The following ALPL variants were observed in gnomAD, a reference collection of about 807,000 sequenced individuals.
The protein encoded by ALPL is alkaline phosphatase, tissue-nonspecific isozyme.
A neutral mutation model predicts 51.3 loss-of-function variants in ALPL; 42 were observed. The observed-to-expected ratio is 0.82, with a 90% confidence interval of 0.64 to 1.06. ALPL has a LOEUF of 1.06. Ranked by LOEUF, ALPL falls within the 50% of genes least tolerant of loss-of-function variation. The pLI is 0.00. For missense variants in ALPL, 589 were observed against 709.4 expected, an observed-to-expected ratio of 0.83 and a Z score of 1.93; for synonymous variants, 279 against 296.4, an observed-to-expected ratio of 0.94 and a Z score of 0.60.
chr1:21,509,948 C>T lies in ALPL; in HGVS notation c.-105+431C>T, dbSNP rs1570145743. On this transcript the variant is annotated intron_variant, in intron 1 of 11. Transcript: ENST00000374840. The surrounding 1 kb of genome is among the most constrained non-coding windows in gnomAD (Gnocchi z 6.0). ...GAGACCTGGGCTGCCAACCCCAAGG[C>T]CTCGTGGCCTGGCGCCCTCCCAGGC... Among the ~76,000 whole-genome samples the T allele has an allele frequency of 1.3e-5, 2 of 152,230 alleles. No individual in the cohort carries two copies. Among genetic ancestry groups the T allele is most frequent in the Admixed American group, 6.5e-5 (1 of 15,290 alleles).
At position 21,564,022 on chromosome 1, in the gene ALPL, C is replaced by G; in HGVS notation, c.473-19C>G. 1 of 1,612,986 alleles carries G rather than the reference C, an allele frequency of 6.2e-7. No individual in the cohort carries two copies. The highest frequency in any genetic ancestry group is 1.7e-4 in the Middle Eastern group (1 of 6,056). On this transcript the variant is annotated intron_variant, in intron 5 of 11. Coordinates refer to ENST00000374840, the MANE Select transcript of ALPL (RefSeq NM_000478.6). The surrounding 1 kb of genome is among the most constrained non-coding windows in gnomAD (Gnocchi z 5.8). The stretch of plus-strand genomic sequence containing the variant: ...CCCGATCTGTGGATAAAGCCAAACC[C>G]GCCCCTCCTGCACCCCAGGGAAATC...
intron 11 of ALPL, among the ~76,000 whole-genome samples, chr1:21,576,953 C>G (rs1644745808): frequency 6.6e-6 from 1 of 152,172 alleles, no homozygotes; most frequent in South Asian, 2.1e-4. Context: ...AGCATAGTGC[C>G]TGGCACAAGT....
intron 1 of ALPL, among the ~76,000 whole-genome samples, chr1:21,536,540 A>C (rs548020628): frequency 7.9e-5 from 12 of 152,262 alleles, no homozygotes; most frequent in Non-Finnish European, 1.3e-4. Context: ...TCAAAGACTC[A>C]AGGTCTCTAC....
intron 1 of ALPL, among the ~76,000 whole-genome samples, chr1:21,550,232 A>G (rs1300614375): frequency 6.6e-6 from 1 of 152,136 alleles, no homozygotes; most frequent in African/African-American, 2.4e-5. Context: ...CAGAACACTC[A>G]TTTTACACTT....
intron 3 of ALPL, 128 bp from the exon 4 acceptor site, chr1:21,560,969 C>T: frequency 9.8e-7 from 1 of 1,022,992 alleles, no homozygotes; most frequent in South Asian, 1.4e-5. Context: ...CTGACATTTA[C>T]AGAGCCATGC....
intron 3 of ALPL, 45 bp downstream of exon 3, chr1:21,560,790 C>T (rs747028412): frequency 1.9e-6 from 3 of 1,612,500 alleles, no homozygotes; most frequent in Non-Finnish European, 2.5e-6. Flanking sequence ...GGACACCTAG[C>T]TAGGAGCCCC....
intron 1 of ALPL, among the ~76,000 whole-genome samples, chr1:21,516,591 T>C (rs913288954): frequency 1.1e-4 from 16 of 152,296 alleles, no homozygotes; most frequent in African/African-American, 3.4e-4. Context: ...GTAGACATGT[T>C]TGTTCCCTGC....
intron 6 of ALPL, among the ~76,000 whole-genome samples, chr1:21,567,670 C>T (rs558586618): frequency 2.6e-5 from 4 of 152,234 alleles, no homozygotes; most frequent in South Asian, 2.1e-4. Context: ...CTGTGGCCTT[C>T]GGGGGAAAAA....
chr1:21,570,181 CA>C, intron 7 of ALPL, 123 bp from the exon 8 acceptor site: 1 of 947,274 alleles, frequency 1.1e-6, no homozygotes, highest in Non-Finnish European at 1.7e-6. Flanking sequence ...GGTGGGTCCT[CA>C]GGGAGAGATT....
intron 10 of ALPL, among the ~76,000 whole-genome samples, 158 bp from the exon 11 acceptor site, chr1:21,576,364 G>A (rs1346901044): frequency 1.3e-5 from 2 of 151,988 alleles, no homozygotes; most frequent in Admixed American, 6.6e-5. Flanking sequence ...TGGTTAGTTG[G>A]AAATAATAAG....
chr1:21,577,736 G>A lies in ALPL; in HGVS notation c.*88G>A. 2 of 1,476,004 alleles carry A rather than the reference G, an allele frequency of 1.4e-6. No homozygotes were observed. The highest frequency in any genetic ancestry group is 1.8e-6 in the Non-Finnish European group (2 of 1,102,508). The allele number at this position is 1,476,004 out of a possible 1,614,324, so 91.4% of individuals were successfully genotyped here. On this transcript the variant is annotated 3_prime_UTR_variant, in exon 12 of 12. Transcript: ENST00000374840. ...CCCCTCAAGGGGCAGGGAGGTGGGG[G>A]CCTCCTCAGCCTCTGCAACTGCAAG... is the stretch of plus-strand genomic sequence containing the variant.
At chr1:21,528,010 T>TC (rs933711459) in intron 1 of ALPL, among the ~76,000 whole-genome samples, 8 of 114,628 alleles carry the variant, frequency 7.0e-5, no homozygotes, top group African/African-American at 3.2e-4. Context: ...TGTTTTTTTT[T>TC]TTTTTGTTTT....
At chr1:21,540,656 C>T (rs182532808) in intron 1 of ALPL, among the ~76,000 whole-genome samples, 3 of 152,264 alleles carry the variant, frequency 2.0e-5, no homozygotes, top group African/African-American at 4.8e-5. Flanking sequence ...GCCGCCTGCT[C>T]GTGCCTTTCT....
At chr1:21,571,750 G>A (rs548634022) in intron 8 of ALPL, among the ~76,000 whole-genome samples, 4 of 152,276 alleles carry the variant, frequency 2.6e-5, no homozygotes, top group Admixed American at 6.5e-5. Flanking sequence ...AGCACTTTGG[G>A]AGGCCAAGGC....
intron 2 of ALPL, among the ~76,000 whole-genome samples, chr1:21,556,317 C>T (rs553592579): frequency 3.3e-5 from 5 of 152,140 alleles, no homozygotes; most frequent in Non-Finnish European, 7.3e-5. Flanking sequence ...AAAATGTGTA[C>T]CTTAAAACAG....
chr1:21,515,247 T>C (rs2148055301), intron 1 of ALPL, among the ~76,000 whole-genome samples: 1 of 152,324 alleles, frequency 6.6e-6, no homozygotes, highest in Admixed American at 6.5e-5. Flanking sequence ...GTGTGACCTT[T>C]ATTTTATTTT....
chr1:21,570,479 G>A (rs1386245350), intron 8 of ALPL, 105 bp downstream of exon 8: 8 of 1,204,004 alleles, frequency 6.6e-6, no homozygotes, highest in East Asian at 2.4e-5. Flanking sequence ...CGCCCACTTA[G>A]GGGCCTCTGC....
Position 21,509,560 on chromosome 1 carries a change from C to T in ALPL, c.-105+43C>T, listed in dbSNP as rs1300784432. ...CCCCGCGCCCTGGTTCCCCAGGGCCCCAGCGGACGTGGTCCATCCCCTTCT... is the reference window on the plus strand; with the variant it reads ...CCCCGCGCCCTGGTTCCCCAGGGCCTCAGCGGACGTGGTCCATCCCCTTCT... On this transcript the variant is annotated intron_variant, in intron 1 of 11. Coordinates refer to ENST00000374840, the MANE Select transcript of ALPL (RefSeq NM_000478.6). The surrounding 1 kb of genome is among the most constrained non-coding windows in gnomAD (Gnocchi z 6.0). 1.3e-5 allele frequency: 2 copies of T among 152,182 alleles called. No homozygotes were observed. The highest frequency in any genetic ancestry group is 2.9e-5 in the Non-Finnish European group (2 of 68,060). 9.4% of individuals were successfully genotyped at this position (152,182 alleles called of 1,614,324 possible).
At chr1:21,577,354 T>C in intron 11 of ALPL, 29 bp from the exon 12 acceptor site, 1 of 1,613,112 alleles carries the variant, frequency 6.2e-7, no homozygotes. Context: ...CCTGGCAGGC[T>C]CTCAGCAGGT....
Sources: allele counts gnomAD v4.1 joint callset (sites outside exome capture counted in the v4.1 genomes callset), GRCh38; gene constraint gnomAD v4.1.1; non-coding constraint Gnocchi (gnomAD v3.1); transcripts MANE v1.5; gene names NCBI Gene and HGNC (gene_info 2026-07-23, HGNC 2026-07-21).